CYP7B1: variants seen among roughly 807,000 people sequenced by gnomAD.
CYP7B1 encodes cytochrome P450 family 7 subfamily B member 1, also known as cytochrome P450 7B1.
CYP7B1 carries 29 observed loss-of-function variants against 42.7 expected under a neutral mutation model. The ratio of observed to expected loss-of-function variants is 0.68; its 90% confidence interval spans 0.51 to 0.93. The LOEUF is 0.93. Among genes scored for constraint, CYP7B1 ranks in the 40% least tolerant of loss-of-function variants. The pLI is 0.00. For missense variants in CYP7B1, 655 were observed against 600.5 expected (o/e 1.09, Z -0.95); for synonymous variants, 235 against 218.2 (o/e 1.08, Z -0.68).
intron 1 of CYP7B1, among the ~76,000 whole-genome samples, chr8:64,648,790 AT>A (rs2129631154): frequency 6.6e-6 from 1 of 152,292 alleles, no homozygotes; most frequent in African/African-American, 2.4e-5. Flanking sequence ...GCATATTGTA[AT>A]TTCTGCTGAA....
intron 2 of CYP7B1, among the ~76,000 whole-genome samples, chr8:64,619,813 T>C (rs1275118938): frequency 6.6e-6 from 1 of 152,202 alleles, no homozygotes; most frequent in African/African-American, 2.4e-5. Context: ...AGTTTTGACA[T>C]CTGGGTCATT....
chr8:64,668,351 A>G (rs1474399895), intron 1 of CYP7B1, among the ~76,000 whole-genome samples: 1 of 152,178 alleles, frequency 6.6e-6, no homozygotes, highest in Admixed American at 6.5e-5. Flanking sequence ...TGAACTGATA[A>G]CTATATAATA....
At chr8:64,649,951 AGATATT>A (rs1199791706) in intron 1 of CYP7B1, among the ~76,000 whole-genome samples, 2 of 152,146 alleles carry the variant, frequency 1.3e-5, no homozygotes, top group Admixed American at 1.3e-4. Flanking sequence ...TTTATATCCT[AGATATT>A]AACACATCAT....
chr8:64,597,766 T>A (rs1563537298), intron 5 of CYP7B1, among the ~76,000 whole-genome samples: 6 of 152,186 alleles, frequency 3.9e-5, no homozygotes, highest in Non-Finnish European at 2.9e-5. Flanking sequence ...GTGACCTTAT[T>A]TTAGCCTATG....
chr8:64,683,989 C>G (rs1444904260), intron 1 of CYP7B1, among the ~76,000 whole-genome samples: 1 of 152,078 alleles, frequency 6.6e-6, no homozygotes, highest in Non-Finnish European at 1.5e-5. Context: ...ACACTCCTTT[C>G]ATTACCCCAT....
rs548805461 is a variant in CYP7B1 at position 64,746,394 on chromosome 8, C to T, written c.122+52072G>A. 2.9e-4 allele frequency among the ~76,000 whole-genome samples: 44 copies of T among 152,208 alleles called. 1 individual carries two copies. Among genetic ancestry groups the T allele is most frequent in the African/African-American group, 9.9e-4 (41 of 41,542 alleles). Reference sequence around the variant, plus strand: ...GTCCAGGGAATTGCAATGAGAATAACGCAAGAGGCACTGTCATTCCTGCAT... The same window carrying T: ...GTCCAGGGAATTGCAATGAGAATAATGCAAGAGGCACTGTCATTCCTGCAT... On this transcript the variant is annotated intron_variant, in intron 1 of 5. Transcript: ENST00000310193.
chr8:64,707,088 A>C (rs1164130180), intron 1 of CYP7B1, among the ~76,000 whole-genome samples: 1 of 152,030 alleles, frequency 6.6e-6, no homozygotes, highest in Non-Finnish European at 1.5e-5. Context: ...ACAACTCAAA[A>C]ATCCATATGT....
At chr8:64,623,997 G>C (rs529557081) in intron 2 of CYP7B1, among the ~76,000 whole-genome samples, 31 of 152,210 alleles carry the variant, frequency 2.0e-4, no homozygotes, top group African/African-American at 7.0e-4. Context: ...ACTGTGATTG[G>C]GGGGAGGGGG....
chr8:64,703,060 C>T (rs1806941499), intron 1 of CYP7B1, among the ~76,000 whole-genome samples: 1 of 151,890 alleles, frequency 6.6e-6, no homozygotes, highest in Non-Finnish European at 1.5e-5. Flanking sequence ...CTGGAATAAG[C>T]TGTAAATTTA....
intron 1 of CYP7B1, among the ~76,000 whole-genome samples, chr8:64,705,373 T>A (rs929025763): frequency 6.6e-6 from 1 of 152,048 alleles, no homozygotes; most frequent in Non-Finnish European, 1.5e-5. Flanking sequence ...ATTCTCATTG[T>A]CTAAAACATC....
chr8:64,744,351 CT>C (rs541984404), intron 1 of CYP7B1, among the ~76,000 whole-genome samples: 6 of 149,210 alleles, frequency 4.0e-5, no homozygotes, highest in Admixed American at 2.0e-4. Context: ...AAAAGAATCT[CT>C]TTTTTTTTTC....
intron 1 of CYP7B1, among the ~76,000 whole-genome samples, chr8:64,742,064 T>C (rs1212304118): frequency 6.6e-6 from 1 of 152,208 alleles, no homozygotes; most frequent in Non-Finnish European, 1.5e-5. Context: ...ACTGTTCTCA[T>C]ATAAAATCTA....
chr8:64,759,031 T>C (rs1298265406), intron 1 of CYP7B1, among the ~76,000 whole-genome samples: 2 of 152,198 alleles, frequency 1.3e-5, no homozygotes, highest in Non-Finnish European at 2.9e-5. Context: ...CCAAACACCA[T>C]GGAGTCCTGC....
At chr8:64,713,180 C>T (rs1230353232) in intron 1 of CYP7B1, among the ~76,000 whole-genome samples, 1 of 152,124 alleles carries the variant, frequency 6.6e-6, no homozygotes, top group African/African-American at 2.4e-5. Flanking sequence ...GTCAAATGAT[C>T]TGTTTCCAGA....
At chr8:64,630,680 G>T (rs572858410) in intron 1 of CYP7B1, among the ~76,000 whole-genome samples, 1 of 152,120 alleles carries the variant, frequency 6.6e-6, no homozygotes, top group Non-Finnish European at 1.5e-5. Flanking sequence ...AGATAAACAC[G>T]AACTCAGTAA....
intron 1 of CYP7B1, among the ~76,000 whole-genome samples, chr8:64,686,103 G>C (rs1227970390): frequency 4.9e-4 from 57 of 115,662 alleles, no homozygotes; most frequent in Non-Finnish European, 6.9e-4. Flanking sequence ...GAGGGAGGTG[G>C]GGGGGTCAGC....
chr8:64,701,911 A>G (rs565817892), intron 1 of CYP7B1, among the ~76,000 whole-genome samples: 2 of 152,210 alleles, frequency 1.3e-5, no homozygotes, highest in South Asian at 4.1e-4. Flanking sequence ...TAGCTAACAA[A>G]CAAAAATAAA....
intron 1 of CYP7B1, among the ~76,000 whole-genome samples, chr8:64,641,610 T>C (rs1805856949): frequency 6.6e-6 from 1 of 152,190 alleles, no homozygotes; most frequent in Non-Finnish European, 1.5e-5. Flanking sequence ...TTGATAGTTC[T>C]TAAAGGTAAA....
At chr8:64,758,317 C>A (rs1263232773) in intron 1 of CYP7B1, among the ~76,000 whole-genome samples, 4 of 152,162 alleles carry the variant, frequency 2.6e-5, no homozygotes, top group Non-Finnish European at 5.9e-5. Context: ...ACCCTTCTCT[C>A]CACTGCTGCA....
Sources: allele counts gnomAD v4.1 joint callset (sites outside exome capture counted in the v4.1 genomes callset), GRCh38; gene constraint gnomAD v4.1.1; transcripts MANE v1.5; gene names NCBI Gene and HGNC (gene_info 2026-07-23, HGNC 2026-07-21).